AKT3: variants seen among roughly 807,000 people sequenced by gnomAD.
The protein encoded by AKT3 is RAC-gamma serine/threonine-protein kinase.
In AKT3, 15 loss-of-function variants were observed where a neutral mutation model predicts 65.3. The observed-to-expected ratio is 0.23, with a 90% confidence interval of 0.15 to 0.35. The LOEUF (loss-of-function observed/expected upper bound fraction) is 0.35, where lower values mean the gene tolerates loss of function less well. Ranked by LOEUF, AKT3 falls within the 10% of genes least tolerant of loss-of-function variation. The pLI is 1.00. For missense variants in AKT3, 243 were observed against 576.5 expected (o/e 0.42, Z 5.92); for synonymous variants, 206 against 183.8 (o/e 1.12, Z -0.98).
At chr1:243,616,654 G>A (rs1678348468) in intron 6 of AKT3, among the ~76,000 whole-genome samples, 1 of 152,090 alleles carries the variant, frequency 6.6e-6, no homozygotes, top group Non-Finnish European at 1.5e-5. Context: ...TTAGATGGAA[G>A]AAAGACATGA....
intron 2 of AKT3, chr1:243,788,698 ATACCT>A (rs1691427613): frequency 6.6e-6 from 1 of 152,346 alleles, no homozygotes; most frequent in Non-Finnish European, 1.5e-5. Context: ...TAAAATGCAC[ATACCT>A]TAATTAAGGA....
intron 12 of AKT3, among the ~76,000 whole-genome samples, chr1:243,535,462 G>A (rs1447875141): frequency 3.3e-5 from 5 of 152,208 alleles, no homozygotes; most frequent in South Asian, 2.1e-4. Flanking sequence ...TTCTAAGTGA[G>A]AACATGCAGT....
chr1:243,628,865 T>C (rs984351205), intron 6 of AKT3, among the ~76,000 whole-genome samples: 1 of 152,224 alleles, frequency 6.6e-6, no homozygotes, highest in Non-Finnish European at 1.5e-5. Context: ...TTGTTCTCCT[T>C]GCAATGATGG....
In AKT3 at chr1:243,695,464, G is replaced by A. The variant is rs1426196387; in HGVS notation, c.172+127C>T. On this transcript the variant is annotated intron_variant, in intron 3 of 13. Coordinates refer to ENST00000673466, the MANE Select transcript of AKT3 (RefSeq NM_005465.7). Reference sequence around the variant, plus strand: ...AAGGGACTGAAATTCTATCAAAGCTGAAAATTTCTCTATTAAATATAAACC... The same window carrying A: ...AAGGGACTGAAATTCTATCAAAGCTAAAAATTTCTCTATTAAATATAAACC... 6.1e-6 allele frequency: 5 copies of A among 816,884 alleles called. No homozygotes were observed. The African/African-American group carries it at 8.8e-5, about 14-fold the overall frequency. 50.6% of individuals were successfully genotyped at this position (816,884 alleles called of 1,614,324 possible). A position where few individuals can be genotyped will look rare whatever the true frequency, so the allele number is the denominator to read the frequency against.
chr1:243,500,372 CA>C lies in AKT3; in HGVS notation c.*4876del, dbSNP rs1282301712. 4.4e-6 allele frequency: 1 copy of C among 225,086 alleles called. No individual in the cohort carries two copies. The highest frequency in any genetic ancestry group is 8.8e-6 in the Non-Finnish European group (1 of 113,336). The allele number at this position is 225,086 out of a possible 1,614,324, so 13.9% of individuals were successfully genotyped here. ...TTTCCATTCTGTTAAACAACGAAAA[CA>C]GACAAAAAAGCATCTTTGGCTCGGT... On this transcript the variant is annotated 3_prime_UTR_variant, in exon 14 of 14. Transcript: ENST00000673466.
At chr1:243,715,268 C>A (rs527749211) in intron 2 of AKT3, among the ~76,000 whole-genome samples, 2 of 152,164 alleles carry the variant, frequency 1.3e-5, no homozygotes, top group African/African-American at 4.8e-5. Flanking sequence ...TCCATTTTGG[C>A]TTAACAGAAA....
intron 2 of AKT3, among the ~76,000 whole-genome samples, chr1:243,704,992 T>A (rs536063013): frequency 3.3e-5 from 5 of 152,268 alleles, no homozygotes; most frequent in South Asian, 2.1e-4. Context: ...GTTTACAATT[T>A]TCGTGATTTT....
chr1:243,533,921 C>T (rs1039113796), intron 12 of AKT3, among the ~76,000 whole-genome samples: 5 of 152,084 alleles, frequency 3.3e-5, no homozygotes, highest in African/African-American at 9.7e-5. Context: ...AGCCGGGAGG[C>T]GGAGCTTGCA....
chr1:243,509,472 T>C (rs1669885340), intron 13 of AKT3, among the ~76,000 whole-genome samples: 1 of 152,120 alleles, frequency 6.6e-6, no homozygotes, highest in South Asian at 2.1e-4. Flanking sequence ...GAAATTCAAG[T>C]CAATCATGAA....
intron 6 of AKT3, among the ~76,000 whole-genome samples, chr1:243,617,262 C>T (rs1678400974): frequency 6.6e-6 from 1 of 151,420 alleles, no homozygotes; most frequent in Non-Finnish European, 1.5e-5. Context: ...TCTCATGGAG[C>T]TTTAGTTCTA....
At chr1:243,589,241 G>T (rs1198150909) in intron 8 of AKT3, among the ~76,000 whole-genome samples, 1 of 145,746 alleles carries the variant, frequency 6.9e-6, no homozygotes, top group Non-Finnish European at 1.5e-5. Context: ...GGGAGGCAGA[G>T]GTTGCAGTGA....
chr1:243,531,468 G>GC (rs1004498818), intron 12 of AKT3, among the ~76,000 whole-genome samples: 78 of 152,240 alleles, frequency 5.1e-4, no homozygotes, highest in Middle Eastern at 3.4e-3. Context: ...TCATTTGCAT[G>GC]CAAGTTTTTA....
At chr1:243,499,000 G>C (rs3006934), downstream of AKT3, among the ~76,000 whole-genome samples, 6,521 of 152,304 alleles carry the variant, frequency 0.043, 484 homozygotes, top group African/African-American at 0.15. Context: ...GTGCACAGTA[G>C]AAACTCCAGA....
At chr1:243,688,144 A>C (rs1255263979) in intron 3 of AKT3, among the ~76,000 whole-genome samples, 1 of 152,140 alleles carries the variant, frequency 6.6e-6, no homozygotes, top group African/African-American at 2.4e-5. Context: ...TTTTTTAAAT[A>C]AAGTAAATCA....
chr1:243,849,977 G>A, intron 1 of AKT3, 63 bp downstream of exon 1: 1 of 965,444 alleles, frequency 1.0e-6, no homozygotes, highest in Non-Finnish European at 1.2e-6. Flanking sequence ...ACCGGGGCCC[G>A]GGGCCCGGAG....
chr1:243,699,089 C>T (rs1341509799), intron 2 of AKT3, among the ~76,000 whole-genome samples: 1 of 151,998 alleles, frequency 6.6e-6, no homozygotes, highest in African/African-American at 2.4e-5. Context: ...GACAGAAAGT[C>T]CTAGCTTTTA....
At chr1:243,529,202 A>G (rs892063357) in intron 12 of AKT3, among the ~76,000 whole-genome samples, 1 of 136,320 alleles carries the variant, frequency 7.3e-6, no homozygotes, top group African/African-American at 2.8e-5. Context: ...TCTGAATATT[A>G]GACCTTTGTC....
chr1:243,505,106 G>A lies in AKT3; in HGVS notation c.*143C>T. ...TATGTGTGTTTTCATGAGGGTGAAA[G>A]GTGGCGAGGGGTGAGGACCCTTGGC... On this transcript the variant is annotated 3_prime_UTR_variant, in exon 14 of 14. Transcript: ENST00000673466. 3 of 649,276 alleles carry A rather than the reference G, an allele frequency of 4.6e-6. No individual in the cohort carries two copies. Among genetic ancestry groups the A allele is most frequent in the Non-Finnish European group, 8.0e-6 (3 of 373,804 alleles). 40.2% of individuals were successfully genotyped at this position (649,276 alleles called of 1,614,324 possible).
chr1:243,799,807 TAAAC>T (rs1474148324), intron 2 of AKT3, among the ~76,000 whole-genome samples: 3 of 152,182 alleles, frequency 2.0e-5, no homozygotes, highest in Non-Finnish European at 4.4e-5. Flanking sequence ...AAAGCACACA[TAAAC>T]AAGCTGCTTT....
Sources: gnomAD v4.1 joint callset for allele counts (sites outside exome capture counted in the v4.1 genomes callset) on GRCh38, gnomAD v4.1.1 for gene constraint, MANE v1.5 for transcripts, NCBI Gene and HGNC (gene_info 2026-07-23, HGNC 2026-07-21) for gene names.